The following CPED1 variants were observed in gnomAD, a reference collection of about 807,000 sequenced individuals.
CPED1 encodes the protein cadherin-like and PC-esterase domain-containing protein 1.
In CPED1, 114 loss-of-function variants were observed where a neutral mutation model predicts 128.2. That is an observed-to-expected ratio of 0.89 (90% CI 0.76 to 1.04). The LOEUF (loss-of-function observed/expected upper bound fraction) is 1.04, where lower values mean the gene tolerates loss of function less well. Among genes scored for constraint, CPED1 ranks in the 50% least tolerant of loss-of-function variants. The probability of loss-of-function intolerance (pLI) is 0.00; values close to 1 mark genes in which losing one functional copy is unlikely to be tolerated. For synonymous variants in CPED1, 462 were observed against 426.7 expected, an observed-to-expected ratio of 1.08 and a Z score of -1.02; for missense variants, 1,211 against 1,207.1, an observed-to-expected ratio of 1.00 and a Z score of -0.05.
chr7:121,224,781 C>T (rs1797961508), intron 16 of CPED1, among the ~76,000 whole-genome samples: 1 of 133,574 alleles, frequency 7.5e-6, no homozygotes, highest in Non-Finnish European at 1.5e-5. Context: ...AGGATTGCAA[C>T]CCCTGCTTTT....
At chr7:121,190,516 G>A (rs1445801777) in intron 16 of CPED1, among the ~76,000 whole-genome samples, 5 of 151,808 alleles carry the variant, frequency 3.3e-5, no homozygotes, top group African/African-American at 1.2e-4. Flanking sequence ...ATATTTTAAG[G>A]TGGATAAGAC....
At chr7:121,010,465 T>A (rs1585015997) in intron 2 of CPED1, among the ~76,000 whole-genome samples, 1 of 152,166 alleles carries the variant, frequency 6.6e-6, no homozygotes, top group South Asian at 2.1e-4. Context: ...GCCAGGCTGG[T>A]TTTGAACTCC....
chr7:121,176,216 ACACCTCTGG>A (rs1796776255), intron 16 of CPED1, among the ~76,000 whole-genome samples: 3 of 93,032 alleles, frequency 3.2e-5, no homozygotes, highest in Non-Finnish European at 4.1e-5. Flanking sequence ...AAAAAAAAAA[ACACCTCTGG>A]AAATAACTTG....
chr7:121,092,794 C>A (rs1794604372), intron 5 of CPED1, among the ~76,000 whole-genome samples: 1 of 152,146 alleles, frequency 6.6e-6, no homozygotes, highest in Non-Finnish European at 1.5e-5. Flanking sequence ...TCATAATGAC[C>A]AGAACATGAG....
At chr7:121,253,632 A>G (rs1224284212) in intron 18 of CPED1, among the ~76,000 whole-genome samples, 2 of 152,086 alleles carry the variant, frequency 1.3e-5, no homozygotes, top group South Asian at 4.1e-4. Flanking sequence ...TGCACAGAGT[A>G]GCAATCTGGG....
At chr7:121,037,401 TTC>T (rs1173176844) in intron 3 of CPED1, among the ~76,000 whole-genome samples, 1 of 152,206 alleles carries the variant, frequency 6.6e-6, no homozygotes, top group Non-Finnish European at 1.5e-5. Flanking sequence ...AGGGTGTCCT[TTC>T]CACACTTTAT....
At chr7:121,034,506 A>G (rs928110014) in intron 3 of CPED1, among the ~76,000 whole-genome samples, 5 of 152,046 alleles carry the variant, frequency 3.3e-5, no homozygotes, top group African/African-American at 1.2e-4. Flanking sequence ...TCTGCCTTCC[A>G]AAGTGCTGAG....
intron 21 of CPED1, among the ~76,000 whole-genome samples, chr7:121,267,640 T>C (rs1201356332): frequency 2.6e-5 from 4 of 152,040 alleles, no homozygotes; most frequent in Non-Finnish European, 5.9e-5. Context: ...TTTCCTGTAA[T>C]TGGATATTCA....
At chr7:121,203,945 C>T (rs1369409645) in intron 16 of CPED1, among the ~76,000 whole-genome samples, 1 of 152,068 alleles carries the variant, frequency 6.6e-6, no homozygotes, top group East Asian at 1.9e-4. Flanking sequence ...AAGCAAGACA[C>T]CCACTTCTCC....
chr7:120,990,015 G>T, intron 2 of CPED1, 145 bp downstream of exon 2: 2 of 916,812 alleles, frequency 2.2e-6, no homozygotes, highest in East Asian at 2.5e-5. Flanking sequence ...CCTGATGACT[G>T]GGAAACACGT....
At chr7:121,123,685 C>T (rs553293789) in intron 7 of CPED1, among the ~76,000 whole-genome samples, 64 of 152,142 alleles carry the variant, frequency 4.2e-4, no homozygotes, top group African/African-American at 1.5e-3. Context: ...GCTTCATTCC[C>T]CCTTTTTTGT....
intron 3 of CPED1, among the ~76,000 whole-genome samples, chr7:121,037,074 T>C (rs1781529354): frequency 6.6e-6 from 1 of 152,120 alleles, no homozygotes; most frequent in South Asian, 2.1e-4. Flanking sequence ...AAGATTTTCT[T>C]TCCCTCTGTG....
At position 121,224,787 on chromosome 7, in the gene CPED1, C is replaced by CTTTT. The variant is rs143087799; in HGVS notation, c.2056-11908_2056-11905dup. 1.8e-4 allele frequency among the ~76,000 whole-genome samples: 10 copies of CTTTT among 56,248 alleles called. No individual in the cohort carries two copies. The East Asian group carries it at 2.1e-3, about 12-fold the overall frequency. 36.9% of individuals were successfully genotyped at this position (56,248 alleles called of 152,430 possible). A position where few individuals can be genotyped will look rare whatever the true frequency, so the allele number is the denominator to read the frequency against. ...TCAGAGACTAGGATTGCAACCCCTG[C>CTTTT]TTTTTTTTTTTTTTTTTTTTTTGCT... On this transcript the variant is annotated intron_variant, in intron 16 of 22. Transcript: ENST00000310396.
intron 22 of CPED1, among the ~76,000 whole-genome samples, chr7:121,293,133 C>T (rs1269272950): frequency 6.6e-6 from 1 of 152,174 alleles, no homozygotes; most frequent in Non-Finnish European, 1.5e-5. Context: ...TGCCCCTTCC[C>T]CCAGGTGCTC....
chr7:121,195,712 C>G (rs1797256606), intron 16 of CPED1, among the ~76,000 whole-genome samples: 1 of 152,152 alleles, frequency 6.6e-6, no homozygotes, highest in South Asian at 2.1e-4. Context: ...GACAGTTATG[C>G]ATTTTGAAGA....
In CPED1 at chr7:121,100,004, G is replaced by A. The variant is rs1242379910; in HGVS notation, c.828G>A (p.Val276=). 6.2e-7 allele frequency: 1 copy of A among 1,613,130 alleles called. No homozygotes were observed. The highest frequency in any genetic ancestry group is 1.1e-5 in the South Asian group (1 of 91,042). The part of the protein sequence containing the change: ...EDLSVILKAY[V]LVTSLTPLRA... ...TATCTGTGATTCTTAAAGCGTATGT[G>A]TTGGTGACGTCCTTAACCCCTTTGC... Residue 276 remains valine, a synonymous_variant, in exon 7 of 23, where the codon GTG becomes GTA. Coordinates refer to ENST00000310396, the MANE Select transcript of CPED1 (RefSeq NM_024913.5).
intron 2 of CPED1, among the ~76,000 whole-genome samples, chr7:120,999,473 A>G (rs145089792): frequency 2.0e-3 from 306 of 152,166 alleles, no homozygotes; most frequent in African/African-American, 7.1e-3. Flanking sequence ...TCTTATCCTC[A>G]TTGTCACCAT....
intron 16 of CPED1, among the ~76,000 whole-genome samples, chr7:121,218,079 G>A (rs1584605750): frequency 6.6e-6 from 1 of 150,756 alleles, no homozygotes; most frequent in African/African-American, 2.4e-5. Context: ...CTGCCTCCCT[G>A]GTTCAGATGA....
chr7:121,224,408 T>C (rs1488470455), intron 16 of CPED1, among the ~76,000 whole-genome samples: 1 of 152,188 alleles, frequency 6.6e-6, no homozygotes, highest in Admixed American at 6.5e-5. Context: ...ATAAGTGCTA[T>C]GTGGTGATGA....
Sources: allele counts gnomAD v4.1 joint callset (sites outside exome capture counted in the v4.1 genomes callset), GRCh38; gene constraint gnomAD v4.1.1; transcripts MANE v1.5; gene names NCBI Gene and HGNC (gene_info 2026-07-23, HGNC 2026-07-21).